Variants in BMP5 observed in about 807,000 individuals in gnomAD.
BMP5 encodes bone morphogenetic protein 5.
A neutral mutation model predicts 46.6 loss-of-function variants in BMP5; 23 were observed. The ratio of observed to expected loss-of-function variants is 0.49; its 90% CI spans 0.35 to 0.70. The LOEUF is 0.70. Ranked by LOEUF, BMP5 falls within the 30% of genes least tolerant of loss-of-function variation. The pLI is 0.00. For synonymous variants in BMP5, 204 were observed against 191.9 expected (o/e 1.06, Z -0.52); for missense variants, 545 against 565.6 (o/e 0.96, Z 0.37).
At chr6:55,759,395 G>A (rs1045778409) in intron 5 of BMP5, among the ~76,000 whole-genome samples, 1 of 151,650 alleles carries the variant, frequency 6.6e-6, no homozygotes, top group Non-Finnish European at 1.5e-5. Context: ...CCAAGGGGTA[G>A]TTATGTAAGA....
At chr6:55,827,759 G>A (rs1776566440) in intron 1 of BMP5, among the ~76,000 whole-genome samples, 2 of 151,766 alleles carry the variant, frequency 1.3e-5, no homozygotes, top group East Asian at 1.9e-4. Flanking sequence ...TACCCACAAA[G>A]GGTGGTACTT....
chr6:55,865,237 C>A (rs1248267138), intron 1 of BMP5, among the ~76,000 whole-genome samples: 1 of 151,538 alleles, frequency 6.6e-6, no homozygotes, highest in Non-Finnish European at 1.5e-5. Flanking sequence ...TTTTTACATT[C>A]TTTCAAAGGG....
At chr6:55,787,286 T>C (rs571897324) in intron 3 of BMP5, among the ~76,000 whole-genome samples, 1 of 151,842 alleles carries the variant, frequency 6.6e-6, no homozygotes, top group South Asian at 2.1e-4. Flanking sequence ...TTCTAGGACT[T>C]ACTAAATTTA....
chr6:55,781,372 C>A (rs1775313965), intron 3 of BMP5, among the ~76,000 whole-genome samples: 1 of 152,004 alleles, frequency 6.6e-6, no homozygotes, highest in Admixed American at 6.6e-5. Flanking sequence ...TATAGGGAAG[C>A]AGAATTTCAG....
At chr6:55,836,115 A>G (rs957188838) in intron 1 of BMP5, among the ~76,000 whole-genome samples, 9 of 152,206 alleles carry the variant, frequency 5.9e-5, no homozygotes, top group Non-Finnish European at 1.0e-4. Flanking sequence ...TAAGATATCC[A>G]AAAGACTCAC....
At chr6:55,830,374 G>A (rs1776636199) in intron 1 of BMP5, among the ~76,000 whole-genome samples, 1 of 151,966 alleles carries the variant, frequency 6.6e-6, no homozygotes, top group Non-Finnish European at 1.5e-5. Flanking sequence ...TCATATTTGG[G>A]TTGACATGGT....
intron 3 of BMP5, among the ~76,000 whole-genome samples, chr6:55,790,684 C>A (rs1307894102): frequency 1.3e-5 from 2 of 152,146 alleles, no homozygotes; most frequent in East Asian, 3.9e-4. Flanking sequence ...GTTTCTTCAT[C>A]CAGGAATGAA....
chr6:55,770,254 A>G (rs1325582135), intron 4 of BMP5, among the ~76,000 whole-genome samples: 2 of 151,938 alleles, frequency 1.3e-5, no homozygotes, highest in East Asian at 1.9e-4. Flanking sequence ...GTGATCTTAG[A>G]TAGATCTCCT....
intron 5 of BMP5, among the ~76,000 whole-genome samples, chr6:55,760,102 A>T (rs1297362969): frequency 6.6e-6 from 1 of 151,906 alleles, no homozygotes; most frequent in Non-Finnish European, 1.5e-5. Flanking sequence ...ATAGTTGGAG[A>T]CCCTCAGAGG....
chr6:55,845,927 C>T (rs111347762), intron 1 of BMP5, among the ~76,000 whole-genome samples: 71 of 152,104 alleles, frequency 4.7e-4, no homozygotes, highest in African/African-American at 1.6e-3. Flanking sequence ...CTCCTACTCC[C>T]GCTCCTCTTT....
intron 1 of BMP5, among the ~76,000 whole-genome samples, chr6:55,833,371 C>T (rs988361345): frequency 6.6e-6 from 1 of 152,172 alleles, no homozygotes. Flanking sequence ...ACTTTGAAAA[C>T]ATATCAACAT....
At chr6:55,870,960 T>TA (rs1777772807) in intron 1 of BMP5, among the ~76,000 whole-genome samples, 1 of 152,022 alleles carries the variant, frequency 6.6e-6, no homozygotes, top group Non-Finnish European at 1.5e-5. Context: ...AATATGTAGA[T>TA]ACAAAGAATA....
At chr6:55,795,068 AACTT>A (rs1310889185) in intron 2 of BMP5, among the ~76,000 whole-genome samples, 1 of 152,100 alleles carries the variant, frequency 6.6e-6, no homozygotes, top group African/African-American at 2.4e-5. Context: ...TGTGAATATG[AACTT>A]ACTTATATAT....
At chr6:55,831,545 A>G (rs1453791130) in intron 1 of BMP5, among the ~76,000 whole-genome samples, 2 of 152,150 alleles carry the variant, frequency 1.3e-5, no homozygotes, top group Non-Finnish European at 2.9e-5. Flanking sequence ...TCTTGGAAGT[A>G]AAGCAGAAAG....
chr6:55,760,521 C>A lies in BMP5; in HGVS notation c.1040G>T (p.Ser347Ile). 6.2e-7 allele frequency: 1 copy of A among 1,613,010 alleles called. No individual in the cohort carries two copies. The highest frequency in any genetic ancestry group is 8.5e-7 in the Non-Finnish European group (1 of 1,179,266). Residue 347 changes from serine to isoleucine, a missense_variant, in exon 5 of 7, where the codon AGT (serine) becomes ATT (isoleucine). Physicochemically the swap from Ser to Ile is moderately radical, Grantham distance 142 (BLOSUM62 -2). Transcript: ENST00000370830. ...CTTCTTACAGGCTTGTTTTTGCTCACTTGTGTTATAATCTGAAGATAAAAA... is the reference window on the plus strand; with the variant it reads ...CTTCTTACAGGCTTGTTTTTGCTCAATTGTGTTATAATCTGAAGATAAAAA... ...RMSSVGDYNT[S>I]EQKQACKKHE...
chr6:55,760,368 T>C, intron 5 of BMP5, 89 bp downstream of exon 5: 1 of 1,154,818 alleles, frequency 8.7e-7, no homozygotes, highest in South Asian at 1.2e-5. Context: ...TTGGGTATTA[T>C]ATTGGAAAAT....
chr6:55,858,664 T>A (rs1318171488), intron 1 of BMP5, among the ~76,000 whole-genome samples: 2 of 152,234 alleles, frequency 1.3e-5, no homozygotes, highest in African/African-American at 2.4e-5. Context: ...CAATTTAGTG[T>A]ATTTTTCAGG....
intron 1 of BMP5, among the ~76,000 whole-genome samples, chr6:55,873,988 T>TA (rs1026338402): frequency 4.6e-5 from 7 of 151,000 alleles, no homozygotes; most frequent in Middle Eastern, 3.4e-3. Context: ...TTAAATCACT[T>TA]AAAAAAAAAG....
intron 1 of BMP5, among the ~76,000 whole-genome samples, chr6:55,867,215 C>T (rs774373547): frequency 6.6e-6 from 1 of 152,092 alleles, no homozygotes; most frequent in African/African-American, 2.4e-5. Context: ...TGTATCCCCC[C>T]CGCTGAGTAT....
Sources: gnomAD v4.1 joint callset for allele counts (sites outside exome capture counted in the v4.1 genomes callset) on GRCh38, gnomAD v4.1.1 for gene constraint, MANE v1.5 for transcripts, NCBI Gene and HGNC (gene_info 2026-07-23, HGNC 2026-07-21) for gene names.